The following STX18 variants were observed in gnomAD, a reference collection of about 807,000 sequenced individuals.
STX18 encodes syntaxin 18.
Under a neutral mutation model 50.1 loss-of-function variants are expected in STX18, and 40 were observed. That is an observed-to-expected ratio of 0.80 (90% CI 0.62 to 1.04). The LOEUF is 1.04. Ranked by LOEUF, STX18 falls within the 50% of genes least tolerant of loss-of-function variation. STX18 has a pLI of 0.00. For missense variants in STX18, 410 were observed against 415.8 expected (o/e 0.99, Z 0.12); for synonymous variants, 158 against 151.8 (o/e 1.04, Z -0.30).
chr4:4,442,180 TATATG>T (rs916682546), intron 5 of STX18, among the ~76,000 whole-genome samples: 2 of 152,214 alleles, frequency 1.3e-5, no homozygotes, highest in African/African-American at 4.8e-5. Context: ...ATGTATTTAA[TATATG>T]ATATGGTTTA....
chr4:4,541,048 C>T (rs943894911), intron 1 of STX18, among the ~76,000 whole-genome samples: 1 of 152,322 alleles, frequency 6.6e-6, no homozygotes, highest in South Asian at 2.1e-4. Flanking sequence ...ACAAGACAAA[C>T]AGCTCTCCCC....
At chr4:4,493,169 G>C (rs1279761184) in intron 1 of STX18, among the ~76,000 whole-genome samples, 1 of 152,110 alleles carries the variant, frequency 6.6e-6, no homozygotes, top group South Asian at 2.1e-4. Context: ...AAAGTCTTTG[G>C]AGAGGCCTGA....
chr4:4,442,699 A>T (rs1577326513), intron 5 of STX18, among the ~76,000 whole-genome samples: 1 of 150,940 alleles, frequency 6.6e-6, no homozygotes, highest in East Asian at 2.0e-4. Flanking sequence ...CTATTAGTGT[A>T]TTGGCGGGTG....
intron 1 of STX18, among the ~76,000 whole-genome samples, chr4:4,485,629 G>A (rs377378752): frequency 6.6e-6 from 1 of 152,130 alleles, no homozygotes; most frequent in African/African-American, 2.4e-5. Flanking sequence ...CCAATGATGG[G>A]AACGGCAGAT....
intron 1 of STX18, among the ~76,000 whole-genome samples, chr4:4,516,731 G>C (rs531949053): frequency 6.7e-4 from 102 of 151,964 alleles, no homozygotes; most frequent in African/African-American, 2.4e-3. Flanking sequence ...TAAATAAATA[G>C]GAAATATTTT....
chr4:4,527,575 A>G (rs1730827113), intron 1 of STX18, among the ~76,000 whole-genome samples: 1 of 151,964 alleles, frequency 6.6e-6, no homozygotes, highest in African/African-American at 2.4e-5. Context: ...AGGCAGCTTG[A>G]TTCAGGATCT....
chr4:4,529,286 A>C (rs6818850), intron 1 of STX18, among the ~76,000 whole-genome samples: 27,337 of 152,168 alleles, frequency 0.18, 2,525 homozygotes, highest in African/African-American at 0.22. Context: ...GGAGTGAACC[A>C]GGGAGGCGGA....
chr4:4,540,615 A>T (rs1731540755), intron 1 of STX18, among the ~76,000 whole-genome samples: 1 of 152,150 alleles, frequency 6.6e-6, no homozygotes, highest in African/African-American at 2.4e-5. Flanking sequence ...GCAAGGCTTT[A>T]TGGCACTTGT....
intron 2 of STX18, 61 bp downstream of exon 2, chr4:4,471,578 G>T: frequency 8.6e-7 from 1 of 1,166,494 alleles, no homozygotes; most frequent in Non-Finnish European, 1.2e-6. Flanking sequence ...AAGCGCAAAA[G>T]AAATATAGGT....
At chr4:4,439,039 C>T (rs923505655) in intron 5 of STX18, among the ~76,000 whole-genome samples, 1 of 148,230 alleles carries the variant, frequency 6.7e-6, no homozygotes, top group African/African-American at 2.5e-5. Flanking sequence ...CCCATGCACA[C>T]ATATATACAT....
intron 8 of STX18, among the ~76,000 whole-genome samples, chr4:4,424,401 G>A (rs1190324778): frequency 2.0e-5 from 3 of 151,906 alleles, no homozygotes; most frequent in Admixed American, 6.6e-5. Context: ...AGGAGATGTG[G>A]GAAGAAAAGC....
At chr4:4,434,650 A>G in intron 7 of STX18, 120 bp downstream of exon 7, 1 of 745,074 alleles carries the variant, frequency 1.3e-6, no homozygotes, top group Non-Finnish European at 2.1e-6. Context: ...ATACACATTT[A>G]TAATTTTTAA....
chr4:4,472,516 G>C (rs1727973516), intron 1 of STX18, among the ~76,000 whole-genome samples: 1 of 152,192 alleles, frequency 6.6e-6, no homozygotes, highest in African/African-American at 2.4e-5. Flanking sequence ...CGTGGCCCCA[G>C]CCTTGCAAGG....
At chr4:4,470,962 G>A (rs1391480776) in intron 2 of STX18, among the ~76,000 whole-genome samples, 1 of 152,190 alleles carries the variant, frequency 6.6e-6, no homozygotes, top group Non-Finnish European at 1.5e-5. Context: ...AAAGACTCTG[G>A]CTACTGAGTA....
chr4:4,493,378 G>A (rs2108867171), intron 1 of STX18, among the ~76,000 whole-genome samples: 1 of 147,390 alleles, frequency 6.8e-6, no homozygotes, highest in Middle Eastern at 3.5e-3. Context: ...CGTGGTACAC[G>A]TAATGAGTTG....
intron 5 of STX18, among the ~76,000 whole-genome samples, chr4:4,442,803 T>TAAA (rs71169645): frequency 8.0e-5 from 8 of 100,624 alleles, no homozygotes; most frequent in Admixed American, 1.1e-4. Context: ...ACAAGTTTAT[T>TAAA]AAAAAAAAAA....
intron 1 of STX18, among the ~76,000 whole-genome samples, chr4:4,510,229 T>C (rs1322804613): frequency 6.6e-6 from 1 of 152,206 alleles, no homozygotes; most frequent in Non-Finnish European, 1.5e-5. Flanking sequence ...AGTTTAATTT[T>C]AGTTTAACCA....
At chr4:4,499,051 A>G (rs1372250864) in intron 1 of STX18, among the ~76,000 whole-genome samples, 1 of 152,250 alleles carries the variant, frequency 6.6e-6, no homozygotes, top group Non-Finnish European at 1.5e-5. Context: ...TTCTTAGGAG[A>G]GGAATAACAA....
At chr4:4,490,503 T>C (rs1728896719) in intron 1 of STX18, among the ~76,000 whole-genome samples, 1 of 152,218 alleles carries the variant, frequency 6.6e-6, no homozygotes, top group Admixed American at 6.5e-5. Context: ...TTACATAAAC[T>C]GAAACGTTTT....
Sources: allele counts gnomAD v4.1 joint callset (sites outside exome capture counted in the v4.1 genomes callset), GRCh38; gene constraint gnomAD v4.1.1; transcripts MANE v1.5; gene names NCBI Gene and HGNC (gene_info 2026-07-23, HGNC 2026-07-21).